The following MACROD2 variants were observed in gnomAD, a reference collection of about 807,000 sequenced individuals.
MACROD2 encodes the protein ADP-ribose glycohydrolase MACROD2.
A neutral mutation model predicts 70.4 loss-of-function variants in MACROD2; 36 were observed. The ratio of observed to expected loss-of-function variants is 0.51; its 90% confidence interval spans 0.39 to 0.68. The LOEUF is 0.68. Among genes scored for constraint, MACROD2 ranks in the 30% least tolerant of loss-of-function variants. The pLI is 0.00. For synonymous variants in MACROD2, 172 were observed against 178.8 expected (o/e 0.96, Z 0.30); for missense variants, 496 against 538.4 (o/e 0.92, Z 0.78).
intron 6 of MACROD2, among the ~76,000 whole-genome samples, chr20:15,344,709 C>G (rs1011145119): frequency 3.3e-5 from 5 of 151,974 alleles, no homozygotes; most frequent in Non-Finnish European, 5.9e-5. Context: ...CCACCATGGC[C>G]CTGCCTTTTC....
At chr20:15,253,854 G>A (rs2077176134) in intron 6 of MACROD2, among the ~76,000 whole-genome samples, 1 of 152,166 alleles carries the variant, frequency 6.6e-6, no homozygotes, top group Admixed American at 6.5e-5. Flanking sequence ...AGCAAAATCT[G>A]TAACAGGGTG....
rs772499849 is a variant in MACROD2 at position 14,806,865 on chromosome 20, C to G, written c.418+121906C>G. Among the ~76,000 whole-genome samples the G allele has an allele frequency of 8.5e-5, 13 of 152,136 alleles. 1 individual carries two copies. The highest frequency in any genetic ancestry group is 1.9e-4 in the Non-Finnish European group (13 of 67,990). On this transcript the variant is annotated intron_variant, in intron 5 of 17. Coordinates refer to ENST00000684519, the MANE Select transcript of MACROD2 (RefSeq NM_001351661.2). ...CAGGGCCCACCGCAGCACTGCATAG[C>G]TGCTGTAGCCAGACTGCCTCTCTAG...
chr20:15,152,535 T>TTGGGGCATGGAAATAAGGGATCAGGGCA (rs1167807462), intron 5 of MACROD2, among the ~76,000 whole-genome samples: 1 of 151,418 alleles, frequency 6.6e-6, no homozygotes. Flanking sequence ...AGATAAGAGG[T>TTGGGGCATGGAAATAAGGGATCAGGGCA]CAGGGTTCCT....
At chr20:14,177,301 CT>C (rs71190114) in intron 3 of MACROD2, among the ~76,000 whole-genome samples, 7 of 125,400 alleles carry the variant, frequency 5.6e-5, no homozygotes, top group African/African-American at 9.1e-5. Flanking sequence ...GAGATATCTT[CT>C]TTTTTTTTTT....
At chr20:14,232,448 T>C (rs1299479348) in intron 3 of MACROD2, among the ~76,000 whole-genome samples, 3 of 152,240 alleles carry the variant, frequency 2.0e-5, no homozygotes, top group African/African-American at 7.2e-5. Context: ...GCCACCTTCA[T>C]CAGTTATCTT....
chr20:15,594,555 C>G (rs1252148885), intron 8 of MACROD2, among the ~76,000 whole-genome samples: 1 of 152,244 alleles, frequency 6.6e-6, no homozygotes, highest in Non-Finnish European at 1.5e-5. Flanking sequence ...CCCATCACCA[C>G]ATTCCCACCA....
intron 5 of MACROD2, among the ~76,000 whole-genome samples, chr20:15,057,966 A>G (rs914502729): frequency 2.6e-5 from 4 of 152,140 alleles, no homozygotes; most frequent in Non-Finnish European, 5.9e-5. Flanking sequence ...ATAGTAAAAT[A>G]CCCTGTCGCT....
intron 7 of MACROD2, among the ~76,000 whole-genome samples, chr20:15,493,250 G>A (rs533675319): frequency 3.9e-5 from 6 of 152,284 alleles, no homozygotes; most frequent in African/African-American, 1.4e-4. Flanking sequence ...TCTAGAAGGG[G>A]ATGTTGACGG....
intron 2 of MACROD2, among the ~76,000 whole-genome samples, chr20:14,002,785 C>T (rs1476388461): frequency 3.3e-5 from 5 of 151,818 alleles, no homozygotes; most frequent in Non-Finnish European, 7.4e-5. Flanking sequence ...ATTGGGGATA[C>T]AGCTGAAAGA....
At chr20:15,704,800 A>C (rs1027520552) in intron 8 of MACROD2, among the ~76,000 whole-genome samples, 1 of 152,242 alleles carries the variant, frequency 6.6e-6, no homozygotes, top group Non-Finnish European at 1.5e-5. Flanking sequence ...AATCAGTAGT[A>C]CTGGCAAGGC....
rs2075765609 is a variant in MACROD2 at position 15,088,400 on chromosome 20, TATATATATATATATATATA to T, written c.419-141539_419-141521del. Among the ~76,000 whole-genome samples, 35 of 7,402 alleles carry T rather than the reference TATATATATATATATATATA, an allele frequency of 4.7e-3. 1 individual carries two copies. Among genetic ancestry groups the T allele is most frequent in the Admixed American group, 0.036 (25 of 688 alleles). 4.9% of individuals were successfully genotyped at this position (7,402 alleles called of 152,430 possible). A position where few individuals can be genotyped will look rare whatever the true frequency, so the allele number is the denominator to read the frequency against. On this transcript the variant is annotated intron_variant, in intron 5 of 17. Transcript: ENST00000684519. ...ATTAAAACATATATACTATATTTTA[TATATATATATATATATATA>T]TATATATATATATATATATATATAT...
At chr20:14,032,787 T>G (rs2053260936) in intron 2 of MACROD2, among the ~76,000 whole-genome samples, 1 of 152,178 alleles carries the variant, frequency 6.6e-6, no homozygotes, top group Non-Finnish European at 1.5e-5. Flanking sequence ...TGCCTAATCT[T>G]TGTACATCAG....
At chr20:14,670,105 C>G (rs922659483) in intron 4 of MACROD2, among the ~76,000 whole-genome samples, 7 of 152,054 alleles carry the variant, frequency 4.6e-5, no homozygotes, top group African/African-American at 1.2e-4. Context: ...TTTTGAGGAA[C>G]TCTTCAGAAT....
chr20:15,057,514 T>A (rs1427348564), intron 5 of MACROD2, among the ~76,000 whole-genome samples: 2 of 152,182 alleles, frequency 1.3e-5, no homozygotes, highest in African/African-American at 4.8e-5. Context: ...TCAGAGGCCA[T>A]ATATGGCCTT....
intron 8 of MACROD2, among the ~76,000 whole-genome samples, chr20:15,586,345 A>G (rs1256167565): frequency 1.3e-5 from 2 of 152,192 alleles, no homozygotes; most frequent in Non-Finnish European, 2.9e-5. Flanking sequence ...CCACACTGAG[A>G]ACTGCTGGTG....
intron 7 of MACROD2, among the ~76,000 whole-genome samples, chr20:15,485,392 G>A (rs1388313630): frequency 6.6e-6 from 1 of 152,096 alleles, no homozygotes; most frequent in Non-Finnish European, 1.5e-5. Context: ...TCTACTATGA[G>A]CACATCCTGA....
chr20:15,513,166 T>G (rs1195747289), intron 8 of MACROD2, among the ~76,000 whole-genome samples: 1 of 152,214 alleles, frequency 6.6e-6, no homozygotes, highest in Non-Finnish European at 1.5e-5. Flanking sequence ...GGATTTCAAC[T>G]GTTTTTTATA....
intron 4 of MACROD2, among the ~76,000 whole-genome samples, chr20:14,535,937 G>T (rs982790560): frequency 1.3e-4 from 20 of 152,052 alleles, no homozygotes; most frequent in Admixed American, 1.3e-3. Flanking sequence ...TGTTTATGGA[G>T]AATTGTTTAC....
intron 5 of MACROD2, among the ~76,000 whole-genome samples, chr20:15,167,675 T>C (rs1202620294): frequency 6.6e-6 from 1 of 152,316 alleles, no homozygotes; most frequent in South Asian, 2.1e-4. Flanking sequence ...TTCCCAGCTC[T>C]TCACGGACTA....
Sources: allele counts gnomAD v4.1 joint callset (sites outside exome capture counted in the v4.1 genomes callset), GRCh38; gene constraint gnomAD v4.1.1; transcripts MANE v1.5; gene names NCBI Gene and HGNC (gene_info 2026-07-23, HGNC 2026-07-21).